ST6GALNAC3: variants seen among roughly 807,000 people sequenced by gnomAD.
ST6GALNAC3 encodes the protein ST6 N-acetylgalactosaminide alpha-2,6-sialyltransferase 3.
In ST6GALNAC3, 25 loss-of-function variants were observed where a neutral mutation model predicts 32.7. The observed-to-expected ratio is 0.76, with a 90% CI of 0.56 to 1.07. The LOEUF is 1.07. Ranked by LOEUF, ST6GALNAC3 falls within the 50% of genes least tolerant of loss-of-function variation. The pLI is 0.00. For missense variants in ST6GALNAC3, 355 were observed against 382.4 expected (o/e 0.93, Z 0.60); for synonymous variants, 129 against 133.1 (o/e 0.97, Z 0.21).
chr1:76,141,068 G>A (rs1254280854), intron 1 of ST6GALNAC3, among the ~76,000 whole-genome samples: 1 of 152,096 alleles, frequency 6.6e-6, no homozygotes, highest in Non-Finnish European at 1.5e-5. Flanking sequence ...GTAGCCTGGA[G>A]ACTTGGTTTC....
chr1:76,168,561 T>C (rs1652273323), intron 1 of ST6GALNAC3, among the ~76,000 whole-genome samples: 1 of 152,164 alleles, frequency 6.6e-6, no homozygotes, highest in South Asian at 2.1e-4. Context: ...AATATTGTCA[T>C]TGGGTGTTAA....
intron 1 of ST6GALNAC3, among the ~76,000 whole-genome samples, chr1:76,312,550 T>A (rs1056469837): frequency 6.6e-6 from 1 of 151,082 alleles, no homozygotes; most frequent in Non-Finnish European, 1.5e-5. Context: ...ATATCCAGAA[T>A]CTATGAAGAA....
chr1:76,636,460 T>G (rs1649507433), downstream of ST6GALNAC3, among the ~76,000 whole-genome samples: 1 of 152,206 alleles, frequency 6.6e-6, no homozygotes, highest in African/African-American at 2.4e-5. Context: ...TAATTGCTAT[T>G]TCTTGAATCT....
In ST6GALNAC3 at chr1:76,183,252, C is replaced by T. The variant is rs145725425; in HGVS notation, c.18+108368C>T. ...TGTACAAATTTTTTTCAGCTAATTT[C>T]TCCAGTTCATTTGTTTATTGATATA... On this transcript the variant is annotated intron_variant, in intron 1 of 4. Coordinates refer to ENST00000328299, the MANE Select transcript of ST6GALNAC3 (RefSeq NM_152996.4). Among the ~76,000 whole-genome samples the T allele has an allele frequency of 2.0e-5, 3 of 152,142 alleles. No individual in the cohort carries two copies. In the East Asian group the frequency reaches 5.8e-4, roughly 29 times the overall value.
chr1:76,082,045 G>A (rs1338590721), intron 1 of ST6GALNAC3, among the ~76,000 whole-genome samples: 1 of 152,200 alleles, frequency 6.6e-6, no homozygotes, highest in Non-Finnish European at 1.5e-5. Flanking sequence ...GAGAAAGAAG[G>A]GGTTTAGGTC....
At chr1:76,147,000 C>G (rs748572142) in intron 1 of ST6GALNAC3, among the ~76,000 whole-genome samples, 4 of 152,040 alleles carry the variant, frequency 2.6e-5, no homozygotes, top group South Asian at 2.1e-4. Context: ...GTCACATCCT[C>G]AAATACATCC....
chr1:76,587,849 C>A (rs1222376219), intron 3 of ST6GALNAC3, among the ~76,000 whole-genome samples: 1 of 152,060 alleles, frequency 6.6e-6, no homozygotes, highest in African/African-American at 2.4e-5. Flanking sequence ...CTCAGGTTAC[C>A]AACAGGTGTA....
rs1021302641 is a variant in ST6GALNAC3 at position 76,460,113 on chromosome 1, G to T, written c.623+47696G>T. On this transcript the variant is annotated intron_variant, in intron 3 of 4. Coordinates refer to ENST00000328299, the MANE Select transcript of ST6GALNAC3 (RefSeq NM_152996.4). Reference sequence around the variant, plus strand: ...TATATTCCTACTAGCAACGTTGAAGGTTCAAATTTCTTCACATTCTTGCCA... The same window carrying T: ...TATATTCCTACTAGCAACGTTGAAGTTTCAAATTTCTTCACATTCTTGCCA... Among the ~76,000 whole-genome samples the T allele has an allele frequency of 2.0e-5, 3 of 152,110 alleles. No homozygotes were observed. In the East Asian group the frequency reaches 5.8e-4, roughly 29 times the overall value.
chr1:76,347,788 G>A lies in ST6GALNAC3; in HGVS notation c.213+33789G>A, dbSNP rs1648644831. 3.3e-5 allele frequency among the ~76,000 whole-genome samples: 5 copies of A among 152,082 alleles called. No individual in the cohort carries two copies. In the South Asian group the frequency reaches 1.0e-3, roughly 32 times the overall value. The stretch of plus-strand genomic sequence containing the variant: ...CTAATTAGCTCTATGATCTTGGAAA[G>A]TTGCTTAACCTACCAACAAAATGAG... On this transcript the variant is annotated intron_variant, in intron 2 of 4. Transcript: ENST00000328299.
chr1:76,520,321 G>A (rs915215363), intron 3 of ST6GALNAC3, among the ~76,000 whole-genome samples: 1 of 152,164 alleles, frequency 6.6e-6, no homozygotes, highest in African/African-American at 2.4e-5. Flanking sequence ...ATAGCCTCTT[G>A]TATTGGCACA....
rs142750003 is a variant in ST6GALNAC3, at chr1:76,347,058, T to C, written c.213+33059T>C. 3.2e-4 allele frequency among the ~76,000 whole-genome samples: 47 copies of C among 145,586 alleles called. 1 individual carries two copies. Among genetic ancestry groups the C allele is most frequent in the African/African-American group, 1.1e-3 (44 of 40,850 alleles). On this transcript the variant is annotated intron_variant, in intron 2 of 4. Coordinates refer to ENST00000328299, the MANE Select transcript of ST6GALNAC3 (RefSeq NM_152996.4). ...ATCCTTTCACTGTCATGCCACAGCATTGTCTAATGAGCCGTCCTAAGGGTC... is the reference window on the plus strand; with the variant it reads ...ATCCTTTCACTGTCATGCCACAGCACTGTCTAATGAGCCGTCCTAAGGGTC...
intron 1 of ST6GALNAC3, among the ~76,000 whole-genome samples, chr1:76,099,030 T>G (rs2100769661): frequency 6.6e-6 from 1 of 152,294 alleles, no homozygotes; most frequent in South Asian, 2.1e-4. Context: ...AAGACTGTGC[T>G]TTCGCTACTG....
intron 2 of ST6GALNAC3, among the ~76,000 whole-genome samples, chr1:76,343,332 C>T (rs922945090): frequency 2.0e-5 from 3 of 152,074 alleles, no homozygotes; most frequent in Non-Finnish European, 4.4e-5. Flanking sequence ...GCAACTCTTT[C>T]AGTAACAGAA....
chr1:76,267,938 A>G lies in ST6GALNAC3; in HGVS notation c.19-45867A>G, dbSNP rs529319832. On this transcript the variant is annotated intron_variant, in intron 1 of 4. Coordinates refer to ENST00000328299, the MANE Select transcript of ST6GALNAC3 (RefSeq NM_152996.4). Reference sequence around the variant, plus strand: ...CAGTATAGAGAAGAGAAAAGGAAGTATATGATGTTCTCACATCCATCTAAC... The same window carrying G: ...CAGTATAGAGAAGAGAAAAGGAAGTGTATGATGTTCTCACATCCATCTAAC... Among the ~76,000 whole-genome samples, 21 of 152,358 alleles carry G rather than the reference A, an allele frequency of 1.4e-4. 1 individual carries two copies. In the South Asian group the frequency reaches 3.9e-3, roughly 29 times the overall value.
At chr1:76,436,657 T>A (rs1211492462) in intron 3 of ST6GALNAC3, among the ~76,000 whole-genome samples, 3 of 152,178 alleles carry the variant, frequency 2.0e-5, no homozygotes, top group African/African-American at 7.2e-5. Flanking sequence ...ACCGTGCCAA[T>A]TATTTTTCTT....
rs188686711 is a variant in ST6GALNAC3, at chr1:76,448,679, T to C, written c.623+36262T>C. 1.8e-4 allele frequency among the ~76,000 whole-genome samples: 28 copies of C among 152,294 alleles called. No individual in the cohort carries two copies. The East Asian group carries it at 5.2e-3, about 28-fold the overall frequency. Reference sequence around the variant, plus strand: ...ATAAGTCTCACAAGACCCAATGTTTTTAAAAAGGGGAGTTGCCCTGCAGAA... The same window carrying C: ...ATAAGTCTCACAAGACCCAATGTTTCTAAAAAGGGGAGTTGCCCTGCAGAA... On this transcript the variant is annotated intron_variant, in intron 3 of 4. Coordinates refer to ENST00000328299, the MANE Select transcript of ST6GALNAC3 (RefSeq NM_152996.4).
intron 1 of ST6GALNAC3, among the ~76,000 whole-genome samples, chr1:76,221,789 C>A (rs562194851): frequency 1.3e-5 from 2 of 152,232 alleles, no homozygotes; most frequent in African/African-American, 2.4e-5. Context: ...CAATGAGTGA[C>A]AGGTTCTGAC....
chr1:76,172,610 C>T (rs1174363598), intron 1 of ST6GALNAC3, among the ~76,000 whole-genome samples: 1 of 152,028 alleles, frequency 6.6e-6, no homozygotes, highest in Admixed American at 6.5e-5. Flanking sequence ...CCAAAAACTT[C>T]TTGAACTGAA....
At chr1:76,107,193 C>A (rs1237916203) in intron 1 of ST6GALNAC3, among the ~76,000 whole-genome samples, 1 of 152,166 alleles carries the variant, frequency 6.6e-6, no homozygotes, top group East Asian at 1.9e-4. Context: ...TCCTGACTAA[C>A]TTCTTCCCTG....
Sources: allele counts gnomAD v4.1 joint callset (sites outside exome capture counted in the v4.1 genomes callset), GRCh38; gene constraint gnomAD v4.1.1; transcripts MANE v1.5; gene names NCBI Gene and HGNC (gene_info 2026-07-23, HGNC 2026-07-21).